CDK13: variants seen among roughly 807,000 people sequenced by gnomAD.
CDK13 encodes cyclin-dependent kinase 13.
Under a neutral mutation model 137.6 loss-of-function variants are expected in CDK13, and 40 were observed. The observed-to-expected ratio is 0.29, with a 90% CI of 0.23 to 0.38. The LOEUF (loss-of-function observed/expected upper bound fraction) is 0.38. Among genes scored for constraint, CDK13 ranks in the 10% least tolerant of loss-of-function variants. CDK13 has a pLI of 1.00. For missense variants in CDK13, 1,704 were observed against 1,951.8 expected (o/e 0.87, Z 2.39); for synonymous variants, 869 against 760.1 (o/e 1.14, Z -2.36).
At chr7:39,962,022 A>T (rs2116138881) in intron 1 of CDK13, among the ~76,000 whole-genome samples, 1 of 152,242 alleles carries the variant, frequency 6.6e-6, no homozygotes, top group African/African-American at 2.4e-5. Context: ...ACATTTTCTT[A>T]ATCCAGTCTA....
At position 39,999,562 on chromosome 7, in the gene CDK13, T is replaced by C; in HGVS notation, c.2182+62T>C. 7 of 1,467,512 alleles carry C rather than the reference T, an allele frequency of 4.8e-6. No individual in the cohort carries two copies. The Admixed American group carries it at 1.7e-4, about 35-fold the overall frequency. The allele number at this position is 1,467,512 out of a possible 1,614,324, so 90.9% of individuals were successfully genotyped here. A position where few individuals can be genotyped will look rare whatever the true frequency, so the allele number is the denominator to read the frequency against. On this transcript the variant is annotated intron_variant, in intron 4 of 13. Coordinates refer to ENST00000181839, the MANE Select transcript of CDK13 (RefSeq NM_003718.5). ...GGAATGTACTTAGTTTGTGTTTCTC[T>C]TCTGATGTTTGGCTTCAGAAATTTT...
chr7:39,962,726 G>C lies in CDK13; in HGVS notation c.1211+10874G>C, dbSNP rs147655665. Among the ~76,000 whole-genome samples, 94 of 152,254 alleles carry C rather than the reference G, an allele frequency of 6.2e-4. 1 individual carries two copies. Among genetic ancestry groups the C allele is most frequent in the Middle Eastern group, 6.8e-3 (2 of 294 alleles). On this transcript the variant is annotated intron_variant, in intron 1 of 13. Coordinates refer to ENST00000181839, the MANE Select transcript of CDK13 (RefSeq NM_003718.5). ...CTTGCCCATGCCTATGTCCTGAATGGTATTGCCTAGGTTTTCTTCTAGGCT... is the reference window on the plus strand; with the variant it reads ...CTTGCCCATGCCTATGTCCTGAATGCTATTGCCTAGGTTTTCTTCTAGGCT...
chr7:40,094,297 A>G lies in CDK13; in HGVS notation c.3856A>G (p.Thr1286Ala). 1 of 1,613,034 alleles carries G rather than the reference A, an allele frequency of 6.2e-7. No individual in the cohort carries two copies. The highest frequency in any genetic ancestry group is 8.5e-7 in the Non-Finnish European group (1 of 1,179,546). ...TCGGACAGAAAACCAGCATGTACCC[A>G]CCACCAGTTCTTCATTAACTGACCC... ...DYRTENQHVP[T>A]TSSSLTDPHA... The change falls in exon 14 of 14, where the codon ACC becomes GCC. Residue 1286 changes from threonine to alanine, a missense_variant. Physicochemically the swap from Thr to Ala is moderately conservative, Grantham distance 58. Around this residue, in one of 5 missense-constraint regions of CDK13, gnomAD observed 475 missense variants for 579.3 expected, o/e 0.82. Coordinates refer to ENST00000181839, the MANE Select transcript of CDK13 (RefSeq NM_003718.5).
At chr7:40,091,131 G>A (rs943077917) in intron 12 of CDK13, among the ~76,000 whole-genome samples, 2 of 151,990 alleles carry the variant, frequency 1.3e-5, no homozygotes, top group African/African-American at 4.8e-5. Flanking sequence ...GGATCATGAG[G>A]TCAGGAGATC....
chr7:40,037,899 T>TAG (rs1260975963), intron 5 of CDK13, among the ~76,000 whole-genome samples: 5 of 152,242 alleles, frequency 3.3e-5, no homozygotes, highest in Non-Finnish European at 7.3e-5. Flanking sequence ...CAGCTGTATA[T>TAG]AGTCAGTATA....
intron 9 of CDK13, among the ~76,000 whole-genome samples, chr7:40,073,917 T>C (rs1786481412): frequency 6.6e-6 from 1 of 150,612 alleles, no homozygotes; most frequent in South Asian, 2.1e-4. Flanking sequence ...TTTTTTTTTT[T>C]TAAGATAAAG....
intron 1 of CDK13, among the ~76,000 whole-genome samples, chr7:39,976,421 A>T (rs1784114233): frequency 6.6e-6 from 1 of 151,752 alleles, no homozygotes; most frequent in Non-Finnish European, 1.5e-5. Context: ...CTTTGAAGTG[A>T]AAGACTTGGG....
intron 9 of CDK13, among the ~76,000 whole-genome samples, chr7:40,063,863 G>A (rs1467146500): frequency 6.6e-6 from 1 of 151,836 alleles, no homozygotes; most frequent in East Asian, 1.9e-4. Context: ...TCACCATGTC[G>A]GCCAGGCTGG....
At chr7:39,996,319 T>A (rs1784559770) in intron 2 of CDK13, among the ~76,000 whole-genome samples, 1 of 152,322 alleles carries the variant, frequency 6.6e-6, no homozygotes, top group South Asian at 2.1e-4. Flanking sequence ...TATGAAAGTA[T>A]GTGAAGTCCA....
chr7:40,046,111 G>A (rs1785733459), intron 6 of CDK13, 86 bp downstream of exon 6: 5 of 829,834 alleles, frequency 6.0e-6, no homozygotes, highest in Non-Finnish European at 7.5e-6. Flanking sequence ...CCGTAGCGGC[G>A]GGGAATGTCG....
chr7:40,020,093 G>A (rs1325499103), intron 5 of CDK13, among the ~76,000 whole-genome samples: 2 of 151,616 alleles, frequency 1.3e-5, no homozygotes, highest in Non-Finnish European at 2.9e-5. Context: ...TTTGAGACCG[G>A]GTCTTGCTCT....
At chr7:40,048,092 A>C (rs1435886358) in intron 7 of CDK13, 2 of 374,354 alleles carry the variant, frequency 5.3e-6, no homozygotes, top group Non-Finnish European at 9.5e-6. Context: ...TTCAACAGGT[A>C]AAAATGATTT....
At chr7:39,976,662 TATAC>T (rs1480858920) in intron 1 of CDK13, among the ~76,000 whole-genome samples, 1 of 152,118 alleles carries the variant, frequency 6.6e-6, no homozygotes, top group African/African-American at 2.4e-5. Flanking sequence ...TGTTTTTTTC[TATAC>T]ATACATACCT....
At chr7:40,066,724 TTGA>T (rs1786287740) in intron 9 of CDK13, 1 of 152,194 alleles carries the variant, frequency 6.6e-6, no homozygotes, top group South Asian at 2.1e-4. Context: ...CTAAAAATCC[TTGA>T]TGATGTGTTA....
intron 1 of CDK13, among the ~76,000 whole-genome samples, chr7:39,958,917 A>C (rs1787513875): frequency 6.6e-6 from 1 of 152,142 alleles, no homozygotes; most frequent in Non-Finnish European, 1.5e-5. Context: ...TCTCACCAAC[A>C]CTTGGAGTTG....
chr7:40,075,537 T>C (rs1291146860), intron 9 of CDK13, among the ~76,000 whole-genome samples: 1 of 152,162 alleles, frequency 6.6e-6, no homozygotes, highest in African/African-American at 2.4e-5. Context: ...ATTATAAGAC[T>C]ATTAATGGGC....
intron 9 of CDK13, among the ~76,000 whole-genome samples, chr7:40,063,690 C>T (rs1045880485): frequency 2.0e-5 from 3 of 151,964 alleles, no homozygotes; most frequent in African/African-American, 7.2e-5. Flanking sequence ...TAGAGTCTCA[C>T]TCTGTCACCT....
intron 1 of CDK13, among the ~76,000 whole-genome samples, chr7:39,961,469 T>C (rs182903095): frequency 6.6e-6 from 1 of 152,116 alleles, no homozygotes; most frequent in Non-Finnish European, 1.5e-5. Flanking sequence ...TCTGAAACTT[T>C]GTGTCTTTTG....
At chr7:40,083,192 C>T (rs1181719803) in intron 11 of CDK13, among the ~76,000 whole-genome samples, 2 of 150,560 alleles carry the variant, frequency 1.3e-5, no homozygotes, top group African/African-American at 2.4e-5. Context: ...GAATTGGAGG[C>T]TGGGCATGGT....
Sources: allele counts gnomAD v4.1 joint callset (sites outside exome capture counted in the v4.1 genomes callset), GRCh38; gene constraint gnomAD v4.1.1; regional missense constraint gnomAD v4.1.1; transcripts MANE v1.5; gene names NCBI Gene and HGNC (gene_info 2026-07-23, HGNC 2026-07-21).